The following STAT4 variants were observed in gnomAD, a reference collection of about 807,000 sequenced individuals.
The protein encoded by STAT4 is signal transducer and activator of transcription 4.
STAT4 carries 42 observed loss-of-function variants against 110.5 expected under a neutral mutation model. The ratio of observed to expected loss-of-function variants is 0.38; its 90% CI spans 0.30 to 0.49. The LOEUF (loss-of-function observed/expected upper bound fraction) is 0.49, where lower values mean the gene tolerates loss of function less well. STAT4 is among the 20% of genes least tolerant of loss of function. STAT4 has a pLI of 0.95. For synonymous variants in STAT4, 284 were observed against 302.2 expected (o/e 0.94, Z 0.63); for missense variants, 632 against 887.9 (o/e 0.71, Z 3.66).
chr2:191,085,087 T>C (rs1697600816), intron 3 of STAT4, among the ~76,000 whole-genome samples: 1 of 151,760 alleles, frequency 6.6e-6, no homozygotes, highest in Non-Finnish European at 1.5e-5. Flanking sequence ...AAAGATTTTG[T>C]TGGCCTCATG....
chr2:191,049,167 CTTTTTTTTT>C (rs11410725), intron 14 of STAT4, among the ~76,000 whole-genome samples: 1 of 104,128 alleles, frequency 9.6e-6, no homozygotes, highest in African/African-American at 3.6e-5. Flanking sequence ...ATGGTAATAG[CTTTTTTTTT>C]TTTTTTTTTT....
At position 191,058,813 on chromosome 2, in the gene STAT4, AAGTG is replaced by A. The variant is rs1429972034; in HGVS notation, c.1035-48_1035-45del. ...AAAAAAAATCAAAGATAAAAATTAA[AAGTG>A]TTTAAAAACCCTTTTTTATATTTAA... On this transcript the variant is annotated intron_variant, in intron 10 of 23. Coordinates refer to ENST00000392320, the MANE Select transcript of STAT4 (RefSeq NM_003151.4). The surrounding 1 kb of genome is among the most constrained non-coding windows in gnomAD (Gnocchi z 4.3). The A allele has an allele frequency of 8.1e-7, 1 of 1,230,732 alleles. No individual in the cohort carries two copies. The allele number at this position is 1,230,732 out of a possible 1,614,324, so 76.2% of individuals were successfully genotyped here.
chr2:191,068,461 G>T (rs949374847), intron 6 of STAT4: 10 of 152,064 alleles, frequency 6.6e-5, no homozygotes, highest in Non-Finnish European at 1.0e-4. Context: ...GGAAGTCAAG[G>T]CATCTTAAGT....
chr2:191,084,034 C>T (rs1422072011), intron 3 of STAT4, among the ~76,000 whole-genome samples: 1 of 151,994 alleles, frequency 6.6e-6, no homozygotes, highest in African/African-American at 2.4e-5. Context: ...GAGGCTGAGA[C>T]AAGCAGATCA....
chr2:191,135,881 A>G lies in STAT4; in HGVS notation c.273+10732T>C, dbSNP rs1194848322. ...CCCTAGCTCGTTCTATGCCAGCACT[A>G]CCCTGGTACCAAAACCAGACAAGGA... is the stretch of plus-strand genomic sequence containing the variant. On this transcript the variant is annotated intron_variant, in intron 3 of 23. Transcript: ENST00000392320. This position sits in a 1 kb window ranked among gnomAD's most constrained non-coding sequence, Gnocchi z 4.8. Among the ~76,000 whole-genome samples, 4 of 152,122 alleles carry G rather than the reference A, an allele frequency of 2.6e-5. No homozygotes were observed. The highest frequency in any genetic ancestry group is 5.9e-5 in the Non-Finnish European group (4 of 68,022).
chr2:191,080,231 G>C (rs577281050), intron 3 of STAT4, among the ~76,000 whole-genome samples: 105 of 151,494 alleles, frequency 6.9e-4, no homozygotes, highest in Non-Finnish European at 1.3e-3. Context: ...TTCTTTATTG[G>C]TAAAACTCTT....
In STAT4 at chr2:191,082,784, T is replaced by C. The variant is rs555409093; in HGVS notation, c.274-6459A>G. Among the ~76,000 whole-genome samples, 8 of 152,322 alleles carry C rather than the reference T, an allele frequency of 5.3e-5. No homozygotes were observed. The highest frequency in any genetic ancestry group is 3.4e-3 in the Middle Eastern group (1 of 294). On this transcript the variant is annotated intron_variant, in intron 3 of 23. Transcript: ENST00000392320. The surrounding 1 kb of genome is among the most constrained non-coding windows in gnomAD (Gnocchi z 4.7). ...AAGTTCCAGAGTCAGAAGTAATAGA[T>C]GTGAGAAGCCCTGTTCAAAATAATC...
At chr2:191,092,924 C>G (rs1001631731) in intron 3 of STAT4, among the ~76,000 whole-genome samples, 1 of 152,192 alleles carries the variant, frequency 6.6e-6, no homozygotes, top group Non-Finnish European at 1.5e-5. Context: ...GGTCCCATGC[C>G]CATGGAGCCT....
Position 191,146,580 on chromosome 2 carries a change from C to A in STAT4, c.273+33G>T. On this transcript the variant is annotated intron_variant, in intron 3 of 23. Transcript: ENST00000392320. The surrounding 1 kb of genome is among the most constrained non-coding windows in gnomAD (Gnocchi z 4.5). ...TAACTAAATTTAAGACTCATATATC[C>A]AAATATTTTGGAAAAGTAGAATGCA... 7.0e-7 allele frequency: 1 copy of A among 1,433,308 alleles called. No homozygotes were observed. Among genetic ancestry groups the A allele is most frequent in the Non-Finnish European group, 9.2e-7 (1 of 1,086,054 alleles). The allele number at this position is 1,433,308 out of a possible 1,614,324, so 88.8% of individuals were successfully genotyped here.
intron 14 of STAT4, among the ~76,000 whole-genome samples, chr2:191,049,774 G>C (rs1367644204): frequency 1.3e-5 from 2 of 152,200 alleles, no homozygotes; most frequent in Non-Finnish European, 2.9e-5. Flanking sequence ...CAGAATCACA[G>C]AATCAGAAGA....
chr2:191,038,284 T>C (rs766442507), intron 16 of STAT4, among the ~76,000 whole-genome samples: 8 of 152,248 alleles, frequency 5.3e-5, no homozygotes, highest in African/African-American at 1.7e-4. Flanking sequence ...CTCTCTGCAA[T>C]TAATTTGTCT....
At chr2:191,087,463 C>T (rs933450633) in intron 3 of STAT4, among the ~76,000 whole-genome samples, 14 of 152,112 alleles carry the variant, frequency 9.2e-5, no homozygotes, top group African/African-American at 3.4e-4. Flanking sequence ...GAAAAATTTG[C>T]ATCTGTAGAG....
At chr2:191,080,609 A>G (rs1361625173) in intron 3 of STAT4, among the ~76,000 whole-genome samples, 1 of 152,282 alleles carries the variant, frequency 6.6e-6, no homozygotes, top group East Asian at 1.9e-4. Context: ...TGGTTTGTTG[A>G]CTGAAACATT....
chr2:191,052,270 G>A (rs1377455609), intron 14 of STAT4, among the ~76,000 whole-genome samples: 1 of 152,110 alleles, frequency 6.6e-6, no homozygotes, highest in African/African-American at 2.4e-5. Flanking sequence ...AACTGTTACT[G>A]CTGCACACAA....
rs1439466042 is a variant in STAT4 at position 191,036,272 on chromosome 2, G to A, written c.1462C>T (p.Pro488Ser). The A allele has an allele frequency of 6.2e-7, 1 of 1,614,090 alleles. No individual in the cohort carries two copies. Among genetic ancestry groups the A allele is most frequent in the Non-Finnish European group, 8.5e-7 (1 of 1,180,024 alleles). The change falls in exon 17 of 24, where the codon CCT becomes TCT. Residue 488 changes from proline (P) to serine (S), a missense_variant. Pro to Ser is a moderately conservative substitution (Grantham distance 74). Around this residue, in one of 4 missense-constraint regions of STAT4, gnomAD observed 488 missense variants for 632.8 expected, o/e 0.77. Coordinates refer to ENST00000392320, the MANE Select transcript of STAT4 (RefSeq NM_003151.4). Reference sequence around the variant, plus strand: ...TCCAGTAGTTGACTCAATGTGGCAGGTGGAGGATTATTAAAGAAAACCAAG... The same window carrying A: ...TCCAGTAGTTGACTCAATGTGGCAGATGGAGGATTATTAAAGAAAACCAAG... ...QNLVFFNNPPPATLSQLLEVM... is the reference protein window; with the variant it reads ...QNLVFFNNPPSATLSQLLEVM...
intron 5 of STAT4, among the ~76,000 whole-genome samples, chr2:191,071,852 G>C (rs910015589): frequency 6.6e-6 from 1 of 152,196 alleles, no homozygotes; most frequent in East Asian, 1.9e-4. Flanking sequence ...ATACAAGAGA[G>C]GGAAAAGGAA....
chr2:191,030,734 G>C lies in STAT4; in HGVS notation c.2220+238C>G. The C allele has an allele frequency of 2.4e-6, 1 of 422,042 alleles. No individual in the cohort carries two copies. The highest frequency in any genetic ancestry group is 4.4e-6 in the Non-Finnish European group (1 of 227,420). 26.1% of individuals were successfully genotyped at this position (422,042 alleles called of 1,614,324 possible). On this transcript the variant is annotated intron_variant, in intron 23 of 23. Transcript: ENST00000392320. This position sits in a 1 kb window ranked among gnomAD's most constrained non-coding sequence, Gnocchi z 4.4. The stretch of plus-strand genomic sequence containing the variant: ...GTATAGGAATATTTTGCCCTCTGGT[G>C]GTTTCTGGTGGAAACAACGTAAAGC...
chr2:191,134,068 C>T (rs1699115034), intron 3 of STAT4, among the ~76,000 whole-genome samples: 1 of 152,208 alleles, frequency 6.6e-6, no homozygotes. Flanking sequence ...AAGTGGGGCT[C>T]ATACAACACA....
rs1321552780 is a variant in STAT4 at position 191,150,912 on chromosome 2, A to G, written c.-2+35T>C. 1 of 985,424 alleles carries G rather than the reference A, an allele frequency of 1.0e-6. No homozygotes were observed. Among genetic ancestry groups the G allele is most frequent in the Non-Finnish European group, 1.2e-6 (1 of 829,852 alleles). The allele number at this position is 985,424 out of a possible 1,614,324, so 61.0% of individuals were successfully genotyped here. ...TGCATAATAAGCATGTCCTCCTTAC[A>G]AGAGGCAGCCAGAAGGTGTGGTCTG... On this transcript the variant is annotated intron_variant, in intron 1 of 23. Coordinates refer to ENST00000392320, the MANE Select transcript of STAT4 (RefSeq NM_003151.4). The surrounding 1 kb of genome is among the most constrained non-coding windows in gnomAD (Gnocchi z 6.4).
Sources: gnomAD v4.1 joint callset for allele counts (sites outside exome capture counted in the v4.1 genomes callset) on GRCh38, gnomAD v4.1.1 for gene constraint, gnomAD v4.1.1 regional missense constraint, Gnocchi (gnomAD v3.1) non-coding constraint, MANE v1.5 for transcripts, NCBI Gene and HGNC (gene_info 2026-07-23, HGNC 2026-07-21) for gene names.